The following KIAA1549 variants were observed in gnomAD, a reference collection of about 807,000 sequenced individuals.
KIAA1549 encodes KIAA1549.
In KIAA1549, 70 loss-of-function variants were observed where a neutral mutation model predicts 156.4. The ratio of observed to expected loss-of-function variants is 0.45; its 90% CI spans 0.37 to 0.55. The LOEUF is 0.55. Ranked by LOEUF, KIAA1549 falls within the 20% of genes least tolerant of loss-of-function variation. KIAA1549 has a pLI of 0.00. For missense variants in KIAA1549, 2,428 were observed against 2,540.9 expected (o/e 0.96, Z 0.96); for synonymous variants, 1,103 against 1,066.4 (o/e 1.03, Z -0.67).
At chr7:138,966,555 A>G (rs1025104416) in intron 1 of KIAA1549, among the ~76,000 whole-genome samples, 3 of 152,042 alleles carry the variant, frequency 2.0e-5, no homozygotes, top group Admixed American at 6.6e-5. Context: ...AGCATCCAGC[A>G]TGGGAGAAAC....
At chr7:138,952,969 T>C (rs1385070565) in intron 1 of KIAA1549, among the ~76,000 whole-genome samples, 1 of 152,180 alleles carries the variant, frequency 6.6e-6, no homozygotes, top group Non-Finnish European at 1.5e-5. Flanking sequence ...AAGTGATGGA[T>C]TTACCCGTAA....
chr7:138,939,385 A>C (rs2183514), intron 1 of KIAA1549, among the ~76,000 whole-genome samples: 14,654 of 152,098 alleles, frequency 0.096, 988 homozygotes, highest in African/African-American at 0.19. Context: ...TGTGTCTCTT[A>C]GGTCTCTTTT....
chr7:138,980,728 A>G (rs1004874069), intron 1 of KIAA1549, among the ~76,000 whole-genome samples: 3 of 152,214 alleles, frequency 2.0e-5, no homozygotes, highest in African/African-American at 7.2e-5. Flanking sequence ...TCGATATGCC[A>G]CATCATACAG....
rs1405214441 is a variant in KIAA1549 at position 138,917,148 on chromosome 7, G to A, written c.2478C>T (p.Ala826=). 5 of 1,613,628 alleles carry A rather than the reference G, an allele frequency of 3.1e-6. No homozygotes were observed. The highest frequency in any genetic ancestry group is 1.1e-5 in the South Asian group (1 of 91,040). Residue 826 remains alanine (A), a synonymous_variant, in exon 2 of 20, where the codon GCC becomes GCT. Coordinates refer to ENST00000422774, the MANE Select transcript of KIAA1549 (RefSeq NM_001164665.2). ...CAGTGGGAATGGCTTTGGAGAAAGA[G>A]GCCAGGACAGACACGTGACCGTCTA... ...SALDGHVSVL[A]SFSKAIPTGT...
intron 1 of KIAA1549, among the ~76,000 whole-genome samples, chr7:138,960,891 G>A (rs540710520): frequency 1.3e-5 from 2 of 152,228 alleles, no homozygotes; most frequent in African/African-American, 4.8e-5. Flanking sequence ...GAACATAAAT[G>A]ATAAGAATGC....
chr7:138,850,452 T>C lies in KIAA1549; in HGVS notation c.5294+1771A>G, dbSNP rs539989069. The stretch of plus-strand genomic sequence containing the variant: ...TGCATTTCTCTAATAATCAGTGATA[T>C]TGAGCTTTTTTCATATGCTCATTGG... On this transcript the variant is annotated intron_variant, in intron 17 of 19. Coordinates refer to ENST00000422774, the MANE Select transcript of KIAA1549 (RefSeq NM_001164665.2). 1.1e-4 allele frequency among the ~76,000 whole-genome samples: 16 copies of C among 152,316 alleles called. No individual in the cohort carries two copies. In the East Asian group the frequency reaches 2.7e-3, roughly 26 times the overall value.
chr7:138,872,242 C>T (rs960563600), intron 12 of KIAA1549, among the ~76,000 whole-genome samples: 4 of 151,890 alleles, frequency 2.6e-5, no homozygotes, highest in African/African-American at 9.7e-5. Flanking sequence ...CCACCGGGCC[C>T]GGCGCTAGTT....
chr7:138,881,713 T>G (rs1811250751), intron 10 of KIAA1549, 129 bp from the exon 11 acceptor site: 1 of 749,352 alleles, frequency 1.3e-6, no homozygotes, highest in Non-Finnish European at 2.1e-6. Flanking sequence ...CGCTAGAACA[T>G]GGACTGCATG....
chr7:138,863,520 CCA>C (rs1810649212), intron 15 of KIAA1549, among the ~76,000 whole-genome samples: 1 of 151,982 alleles, frequency 6.6e-6, no homozygotes, highest in African/African-American at 2.4e-5. Flanking sequence ...ACTAGTAACC[CCA>C]CAGTCAACCC....
chr7:138,909,451 G>C (rs1812107062), intron 4 of KIAA1549, among the ~76,000 whole-genome samples: 1 of 152,138 alleles, frequency 6.6e-6, no homozygotes, highest in Non-Finnish European at 1.5e-5. Context: ...ATATTTATGG[G>C]TGAAATGACA....
At chr7:138,888,018 A>C (rs1349368759) in intron 10 of KIAA1549, among the ~76,000 whole-genome samples, 1 of 152,226 alleles carries the variant, frequency 6.6e-6, no homozygotes, top group Non-Finnish European at 1.5e-5. Flanking sequence ...CATTTCATCC[A>C]GGGGACAAAC....
intron 10 of KIAA1549, among the ~76,000 whole-genome samples, chr7:138,883,361 G>A (rs1166905806): frequency 2.7e-5 from 4 of 147,264 alleles, no homozygotes; most frequent in African/African-American, 1.0e-4. Flanking sequence ...CACCCAGGCT[G>A]GAGTGCAGTG....
chr7:138,861,562 G>A (rs1810579681), intron 15 of KIAA1549, 106 bp from the exon 16 acceptor site: 2 of 958,998 alleles, frequency 2.1e-6, no homozygotes, highest in African/African-American at 1.6e-5. Context: ...ATTAAAAAAT[G>A]ACAGTTGAGG....
At position 138,881,378 on chromosome 7, in the gene KIAA1549, C is replaced by G; in HGVS notation, c.4229+10G>C. On this transcript the variant is annotated intron_variant, in intron 11 of 19. Coordinates refer to ENST00000422774, the MANE Select transcript of KIAA1549 (RefSeq NM_001164665.2). ...GCAACAAAGAATAATACAGAAAGCC[C>G]AATAATAACCTTCCTCTGTGACGAA... 6.2e-7 allele frequency: 1 copy of G among 1,609,646 alleles called. No individual in the cohort carries two copies. The highest frequency in any genetic ancestry group is 1.1e-5 in the South Asian group (1 of 90,528).
chr7:138,896,511 G>A (rs983945513), intron 9 of KIAA1549, among the ~76,000 whole-genome samples: 4 of 152,056 alleles, frequency 2.6e-5, no homozygotes, highest in Non-Finnish European at 4.4e-5. Flanking sequence ...TAAAAGCAAC[G>A]GACAATATAG....
rs563358033 is a variant in KIAA1549, at chr7:138,916,948, C to A, written c.2678G>T (p.Gly893Val). 3 of 1,606,670 alleles carry A rather than the reference C, an allele frequency of 1.9e-6. No homozygotes were observed. In the South Asian group the frequency reaches 3.3e-5, roughly 18 times the overall value. Residue 893 changes from glycine (G) to valine (V), a missense_variant, in exon 2 of 20, where the codon GGT (glycine) becomes GTT (valine). Transcript: ENST00000422774. Reference sequence around the variant, plus strand: ...CATCAGGGTGGAGTCGAGGGGACCACCAGTGGCAGCACCGGTGCTGGTTGT... The same window carrying A: ...CATCAGGGTGGAGTCGAGGGGACCAACAGTGGCAGCACCGGTGCTGGTTGT... Reference protein sequence around the residue: ...VSTTSTGAATGGPLDSTLMGD... With the variant: ...VSTTSTGAATVGPLDSTLMGD...
intron 1 of KIAA1549, among the ~76,000 whole-genome samples, chr7:138,922,241 A>G (rs1277529378): frequency 6.6e-6 from 1 of 152,278 alleles, no homozygotes; most frequent in Non-Finnish European, 1.5e-5. Context: ...GCTTAGAGTC[A>G]TAATTTAAAG....
intron 19 of KIAA1549, 82 bp downstream of exon 19, chr7:138,840,051 A>G (rs1584978794): frequency 7.8e-7 from 1 of 1,285,172 alleles, no homozygotes; most frequent in East Asian, 2.7e-5. Flanking sequence ...CGGCCTCCCA[A>G]AGTGCTGGGA....
At chr7:138,902,334 T>C (rs1811865380) in intron 8 of KIAA1549, among the ~76,000 whole-genome samples, 1 of 152,172 alleles carries the variant, frequency 6.6e-6, no homozygotes, top group Non-Finnish European at 1.5e-5. Context: ...CATTTGCGTC[T>C]TTTTCTCTAA....
Sources: allele counts gnomAD v4.1 joint callset (sites outside exome capture counted in the v4.1 genomes callset), GRCh38; gene constraint gnomAD v4.1.1; transcripts MANE v1.5; gene names NCBI Gene and HGNC (gene_info 2026-07-23, HGNC 2026-07-21).